The following GRID1 variants were observed in gnomAD, a reference collection of about 807,000 sequenced individuals.
GRID1 encodes the protein glutamate ionotropic receptor delta type subunit 1.
A neutral mutation model predicts 98.0 loss-of-function variants in GRID1; 28 were observed. The observed-to-expected ratio is 0.29, with a 90% CI of 0.21 to 0.39. The LOEUF (loss-of-function observed/expected upper bound fraction) is 0.39, where lower values mean the gene tolerates loss of function less well. Among genes scored for constraint, GRID1 ranks in the 10% least tolerant of loss-of-function variants. The pLI is 1.00. For missense variants in GRID1, 1,111 were observed against 1,340.5 expected, an observed-to-expected ratio of 0.83 and a Z score of 2.67; for synonymous variants, 553 against 538.5, an observed-to-expected ratio of 1.03 and a Z score of -0.37.
chr10:86,023,138 G>A (rs1843071971), intron 4 of GRID1, among the ~76,000 whole-genome samples: 1 of 152,020 alleles, frequency 6.6e-6, no homozygotes, highest in Admixed American at 6.6e-5. Flanking sequence ...TCTGTCCTCA[G>A]GGGTTCCCAG....
chr10:86,057,935 C>T (rs910946083), intron 4 of GRID1, among the ~76,000 whole-genome samples: 6 of 152,148 alleles, frequency 3.9e-5, no homozygotes, highest in Non-Finnish European at 7.3e-5. Flanking sequence ...ATGCGGTGTG[C>T]GCTCCAGAAA....
intron 8 of GRID1, among the ~76,000 whole-genome samples, chr10:85,838,413 ACAGAC>A (rs1842930963): frequency 6.6e-6 from 1 of 152,180 alleles, no homozygotes; most frequent in Non-Finnish European, 1.5e-5. Flanking sequence ...AGCTAGAGGA[ACAGAC>A]CAGGTCACCA....
intron 8 of GRID1, among the ~76,000 whole-genome samples, chr10:85,818,381 T>A (rs1050391383): frequency 1.3e-5 from 2 of 152,234 alleles, no homozygotes; most frequent in African/African-American, 4.8e-5. Context: ...GAGATGTGTG[T>A]GCATACATGA....
intron 12 of GRID1, among the ~76,000 whole-genome samples, chr10:85,664,900 A>G (rs1302607559): frequency 6.6e-6 from 1 of 152,208 alleles, no homozygotes; most frequent in Non-Finnish European, 1.5e-5. Flanking sequence ...ATAAGCAATC[A>G]GAACTTAATG....
chr10:86,106,838 G>A (rs945045441), intron 4 of GRID1, among the ~76,000 whole-genome samples: 4 of 152,128 alleles, frequency 2.6e-5, no homozygotes, highest in Non-Finnish European at 5.9e-5. Context: ...CGTTGGAGGT[G>A]GCGGCTAAGA....
At chr10:85,846,860 T>G (rs11818522) in intron 8 of GRID1, among the ~76,000 whole-genome samples, 51,465 of 152,048 alleles carry the variant, frequency 0.34, 9,392 homozygotes, top group African/African-American at 0.46. Flanking sequence ...AACCAGGAAA[T>G]AAAGTTTCCA....
At chr10:86,247,182 T>A (rs899253642) in intron 2 of GRID1, among the ~76,000 whole-genome samples, 1 of 151,580 alleles carries the variant, frequency 6.6e-6, no homozygotes, top group African/African-American at 2.4e-5. Flanking sequence ...GATGGATGGA[T>A]ATATGAGTGG....
chr10:86,086,794 T>C (rs1184472333), intron 4 of GRID1, among the ~76,000 whole-genome samples: 1 of 152,138 alleles, frequency 6.6e-6, no homozygotes, highest in Non-Finnish European at 1.5e-5. Flanking sequence ...TGAGTGTGTG[T>C]CAGTGCCCCC....
intron 4 of GRID1, among the ~76,000 whole-genome samples, chr10:86,076,776 G>C (rs1843888338): frequency 1.5e-5 from 2 of 136,916 alleles, no homozygotes; most frequent in African/African-American, 5.4e-5. Flanking sequence ...GCTGTGAGGG[G>C]GATTTGTCCC....
At chr10:85,812,329 A>G (rs1342437528) in intron 8 of GRID1, among the ~76,000 whole-genome samples, 1 of 152,192 alleles carries the variant, frequency 6.6e-6, no homozygotes, top group Non-Finnish European at 1.5e-5. Flanking sequence ...TGACATGAGA[A>G]TAAGATTACA....
At chr10:85,932,988 G>T (rs1237422939) in intron 4 of GRID1, among the ~76,000 whole-genome samples, 1 of 152,210 alleles carries the variant, frequency 6.6e-6, no homozygotes, top group Non-Finnish European at 1.5e-5. Flanking sequence ...AAAAAAACAT[G>T]TGTTAGAAAC....
intron 6 of GRID1, among the ~76,000 whole-genome samples, chr10:85,863,260 C>G (rs552030358): frequency 1.3e-5 from 2 of 152,326 alleles, no homozygotes; most frequent in South Asian, 4.1e-4. Flanking sequence ...ATAAGTGGTG[C>G]TTTCTCATCT....
chr10:85,716,167 A>G (rs1043952054), intron 12 of GRID1, among the ~76,000 whole-genome samples: 2 of 152,112 alleles, frequency 1.3e-5, no homozygotes, highest in African/African-American at 4.8e-5. Context: ...TCAGCCTCCC[A>G]AAGTGCTCGA....
intron 8 of GRID1, among the ~76,000 whole-genome samples, chr10:85,841,370 C>A (rs1842960228): frequency 6.6e-6 from 1 of 152,106 alleles, no homozygotes; most frequent in Non-Finnish European, 1.5e-5. Flanking sequence ...AAGCCCCAAA[C>A]TACAAAAACT....
chr10:86,307,167 C>T (rs911524366), intron 2 of GRID1, among the ~76,000 whole-genome samples: 3 of 152,144 alleles, frequency 2.0e-5, no homozygotes, highest in African/African-American at 7.2e-5. Context: ...AATAGAACTA[C>T]CGTATAATTC....
At position 86,366,551 on chromosome 10, in the gene GRID1, C is replaced by A; in HGVS notation, c.-159G>T. The stretch of plus-strand genomic sequence containing the variant: ...CGCGCGCCCGCCCCTGCGCCCTGCG[C>A]CCGCCCCAGCCCAGCCCAGCCCAGC... On this transcript the variant is annotated 5_prime_UTR_variant, in exon 1 of 16. Transcript: ENST00000327946. This position sits in a 1 kb window ranked among gnomAD's most constrained non-coding sequence, Gnocchi z 4.1. The A allele has an allele frequency of 6.8e-6, 2 of 292,754 alleles. No individual in the cohort carries two copies. The highest frequency in any genetic ancestry group is 1.3e-4 in the East Asian group (2 of 15,640). 18.1% of individuals were successfully genotyped at this position (292,754 alleles called of 1,614,324 possible).
At chr10:85,994,739 A>G (rs1842721463) in intron 4 of GRID1, among the ~76,000 whole-genome samples, 1 of 152,196 alleles carries the variant, frequency 6.6e-6, no homozygotes, top group African/African-American at 2.4e-5. Context: ...ACTCATCTCC[A>G]GCTGTCAGAA....
At chr10:85,956,215 G>A (rs984827245) in intron 4 of GRID1, among the ~76,000 whole-genome samples, 2 of 152,140 alleles carry the variant, frequency 1.3e-5, no homozygotes, top group African/African-American at 4.8e-5. Context: ...TGTAAGCCAT[G>A]GTGTCAAACG....
At chr10:85,721,104 CA>C (rs1444392983) in intron 12 of GRID1, among the ~76,000 whole-genome samples, 1 of 152,120 alleles carries the variant, frequency 6.6e-6, no homozygotes, top group Non-Finnish European at 1.5e-5. Flanking sequence ...TGTGCAACAT[CA>C]TTAGTCATTC....
Sources: allele counts gnomAD v4.1 joint callset (sites outside exome capture counted in the v4.1 genomes callset), GRCh38; gene constraint gnomAD v4.1.1; non-coding constraint Gnocchi (gnomAD v3.1); transcripts MANE v1.5; gene names NCBI Gene and HGNC (gene_info 2026-07-23, HGNC 2026-07-21).